PAK1: variants seen among roughly 807,000 people sequenced by gnomAD.
The protein encoded by PAK1 is serine/threonine-protein kinase PAK 1.
Under a neutral mutation model 67.4 loss-of-function variants are expected in PAK1, and 29 were observed. The observed-to-expected ratio is 0.43, with a 90% CI of 0.32 to 0.59. The LOEUF (loss-of-function observed/expected upper bound fraction) is 0.59. PAK1 is among the 20% of genes least tolerant of loss of function. PAK1 has a pLI of 0.07. For missense variants in PAK1, 337 were observed against 670.7 expected, an observed-to-expected ratio of 0.50 and a Z score of 5.50; for synonymous variants, 223 against 237.4, an observed-to-expected ratio of 0.94 and a Z score of 0.56.
chr11:77,364,548 C>T (rs1184193321), intron 5 of PAK1, among the ~76,000 whole-genome samples: 1 of 152,110 alleles, frequency 6.6e-6, no homozygotes, highest in Non-Finnish European at 1.5e-5. Flanking sequence ...TAATACAAAA[C>T]CAACAAATAA....
intron 2 of PAK1, among the ~76,000 whole-genome samples, chr11:77,391,831 T>A (rs1323429485): frequency 6.6e-6 from 1 of 152,218 alleles, no homozygotes; most frequent in African/African-American, 2.4e-5. Context: ...AGTAAACTCA[T>A]GCTGAATGCT....
intron 13 of PAK1, among the ~76,000 whole-genome samples, chr11:77,334,826 G>A (rs920321018): frequency 8.6e-5 from 13 of 151,558 alleles, no homozygotes; most frequent in Admixed American, 5.9e-4. Context: ...ATTCCTTTAA[G>A]AGAAAAAAAA....
the PAK1 span, among the ~76,000 whole-genome samples, chr11:77,502,874 G>C: frequency 6.6e-6 from 1 of 152,144 alleles, no homozygotes; most frequent in African/African-American, 2.4e-5. Flanking sequence ...AAGAAAGTCA[G>C]GGCTAATTGT....
chr11:77,382,581 C>A (rs780806822), intron 2 of PAK1, among the ~76,000 whole-genome samples: 1 of 152,160 alleles, frequency 6.6e-6, no homozygotes, highest in Non-Finnish European at 1.5e-5. Flanking sequence ...TAATTCCTTG[C>A]TAGTTTAAAA....
At chr11:77,408,463 G>A (rs1352553593) in intron 1 of PAK1, among the ~76,000 whole-genome samples, 1 of 151,140 alleles carries the variant, frequency 6.6e-6, no homozygotes, top group Middle Eastern at 3.2e-3. Flanking sequence ...ATGCTGGCAA[G>A]GATGGGGAGA....
At chr11:77,483,187 G>A in the PAK1 span, among the ~76,000 whole-genome samples, 4 of 139,156 alleles carry the variant, frequency 2.9e-5, no homozygotes, top group Non-Finnish European at 4.6e-5. Context: ...ACAAGAGTGA[G>A]ACTCCATCTC....
At chr11:77,399,602 G>A (rs1226694797) in intron 1 of PAK1, among the ~76,000 whole-genome samples, 2 of 152,034 alleles carry the variant, frequency 1.3e-5, no homozygotes, top group Admixed American at 6.5e-5. Flanking sequence ...GCTCACGCCT[G>A]TAATCCCAGC....
At chr11:77,450,063 C>G (rs1449117030) in intron 1 of PAK1, among the ~76,000 whole-genome samples, 1 of 152,176 alleles carries the variant, frequency 6.6e-6, no homozygotes, top group Admixed American at 6.5e-5. Context: ...AAATTGAAGG[C>G]AATACCCTCA....
rs778637218 is a variant in PAK1 at position 77,323,315 on chromosome 11, G to A, written c.1597C>T (p.Leu533=). ...IAKPLSSLTP[L]IAAAKEATKN... The stretch of plus-strand genomic sequence containing the variant: ...GTTGCCTCCTTAGCTGCAGCAATCA[G>A]TGGAGTGAGGCTGGAGAGGGGCTTG... The change falls in exon 15 of 15, where the codon CTG becomes TTG. Residue 533 remains leucine, a synonymous_variant. Transcript: ENST00000356341. 3 of 1,614,000 alleles carry A rather than the reference G, an allele frequency of 1.9e-6. No individual in the cohort carries two copies. The African/African-American group carries it at 4.0e-5, about 22-fold the overall frequency.
chr11:77,481,042 A>G, the PAK1 span, among the ~76,000 whole-genome samples: 1 of 152,118 alleles, frequency 6.6e-6, no homozygotes, highest in African/African-American at 2.4e-5. Context: ...CTTTCTTGAG[A>G]CTTTCTTTTG....
chr11:77,350,798 A>T (rs978757358), intron 8 of PAK1, among the ~76,000 whole-genome samples: 1 of 152,190 alleles, frequency 6.6e-6, no homozygotes, highest in African/African-American at 2.4e-5. Context: ...TGGCTATAAA[A>T]TAAGGATTGG....
chr11:77,463,780 T>G (rs1181337398), intron 1 of PAK1, among the ~76,000 whole-genome samples: 1 of 152,192 alleles, frequency 6.6e-6, no homozygotes. Flanking sequence ...GAAAGGTCTC[T>G]TCCTCCCACT....
chr11:77,351,281 A>G (rs1248120907), intron 8 of PAK1, among the ~76,000 whole-genome samples: 1 of 151,744 alleles, frequency 6.6e-6, no homozygotes, highest in Non-Finnish European at 1.5e-5. Context: ...GATGTTGCCT[A>G]TTTATAGGTC....
At chr11:77,332,960 A>G in intron 13 of PAK1, 93 bp from the exon 14 acceptor site, 1 of 1,104,406 alleles carries the variant, frequency 9.1e-7, no homozygotes, top group Non-Finnish European at 1.4e-6. Flanking sequence ...CAGCTGCTTT[A>G]TGCTCTAGGA....
intron 6 of PAK1, among the ~76,000 whole-genome samples, chr11:77,357,626 T>C (rs538851775): frequency 6.6e-6 from 1 of 152,272 alleles, no homozygotes; most frequent in African/African-American, 2.4e-5. Context: ...TGGGGTTAAT[T>C]ACCTGCTTTC....
chr11:77,444,286 TAAAA>T (rs142183219), intron 1 of PAK1, among the ~76,000 whole-genome samples: 1 of 116,794 alleles, frequency 8.6e-6, no homozygotes, highest in African/African-American at 3.2e-5. Flanking sequence ...TGGAGAGCTC[TAAAA>T]AAAAAAAAAA....
intron 1 of PAK1, among the ~76,000 whole-genome samples, chr11:77,398,417 T>C (rs1253897251): frequency 6.6e-6 from 1 of 152,226 alleles, no homozygotes; most frequent in Non-Finnish European, 1.5e-5. Flanking sequence ...TCCAGTTCCA[T>C]CCACGTTGTT....
At chr11:77,410,038 C>G (rs1734494372) in intron 1 of PAK1, among the ~76,000 whole-genome samples, 1 of 152,138 alleles carries the variant, frequency 6.6e-6, no homozygotes. Flanking sequence ...CCAGGCCACC[C>G]TCTTCTTCAA....
intron 14 of PAK1, chr11:77,325,287 T>C: frequency 6.2e-7 from 1 of 1,613,396 alleles, no homozygotes; most frequent in Non-Finnish European, 8.5e-7. Flanking sequence ...GCATACACAC[T>C]TGAGAGCCAA....
Sources: allele counts gnomAD v4.1 joint callset (sites outside exome capture counted in the v4.1 genomes callset), GRCh38; gene constraint gnomAD v4.1.1; transcripts MANE v1.5; gene names NCBI Gene and HGNC (gene_info 2026-07-23, HGNC 2026-07-21).